The following FANCD2OS variants were observed in gnomAD, a reference collection of about 807,000 sequenced individuals.
FANCD2OS encodes FANCD2 opposite strand protein.
A neutral mutation model predicts 13.2 loss-of-function variants in FANCD2OS; 11 were observed. The observed-to-expected ratio is 0.83, with a 90% CI of 0.52 to 1.38. The LOEUF (loss-of-function observed/expected upper bound fraction) is 1.38, where lower values mean the gene tolerates loss of function less well. Among genes scored for constraint, FANCD2OS ranks in the 40% most tolerant of loss-of-function variants. The pLI is 0.00. For synonymous variants in FANCD2OS, 69 were observed against 84.5 expected, an observed-to-expected ratio of 0.82 and a Z score of 1.01; for missense variants, 217 against 213.9, an observed-to-expected ratio of 1.01 and a Z score of -0.09.
downstream of FANCD2OS, among the ~76,000 whole-genome samples, chr3:10,102,143 C>CTTTTT (rs747148572): frequency 7.5e-6 from 1 of 133,210 alleles, no homozygotes. Context: ...ATCTTCTTTC[C>CTTTTT]TTTTTTTTTT....
At chr3:10,082,935 A>T (rs966678621) in intron 2 of FANCD2OS, among the ~76,000 whole-genome samples, 4 of 152,186 alleles carry the variant, frequency 2.6e-5, no homozygotes, top group African/African-American at 9.7e-5. Flanking sequence ...GCAAATAAAC[A>T]TGTGAAAGGG....
chr3:10,104,575 C>T lies in FANCD2OS; in HGVS notation c.200G>A (p.Gly67Glu). 1.2e-6 allele frequency: 2 copies of T among 1,614,184 alleles called. No homozygotes were observed. Among genetic ancestry groups the T allele is most frequent in the Non-Finnish European group, 1.7e-6 (2 of 1,180,032 alleles). The change falls in exon 2 of 2, where the codon GGA (glycine) becomes GAA (glutamate). Residue 67 changes from glycine (G) to glutamate (E), a missense_variant. Transcript: ENST00000450660. ...GTGGCAGGGTAACTTGGGACTCACT[C>T]CAGATTCCAGGAATGGGCTGTCTAG... ...LVLDSPFLES[G>E]VSPKLPCHTS...
rs544699784 is a variant in FANCD2OS, at chr3:10,094,707, A to T, written c.*43+9491T>A. Among the ~76,000 whole-genome samples, 192 of 146,640 alleles carry T rather than the reference A, an allele frequency of 1.3e-3. 3 individuals are homozygous for T. In the East Asian group the frequency reaches 0.025, roughly 19 times the overall value. ...TAGGTATACTCTCAGAAATGATTTT[A>T]AAAAAAAAAAAGCTCATTTGTGTCA... On this transcript the variant is annotated intron_variant, in intron 2 of 2. Transcript: ENST00000524279.
At chr3:10,088,478 G>GACA in intron 2 of FANCD2OS, 1 of 1,611,850 alleles carries the variant, frequency 6.2e-7, no homozygotes, top group Non-Finnish European at 8.5e-7. Flanking sequence ...CCTCTGTCGG[G>GACA]TGTGGCCAAG....
exon 3 of FANCD2OS, chr3:10,081,380 G>A (rs1559399691): frequency 6.2e-7 from 1 of 1,614,086 alleles, no homozygotes; most frequent in South Asian, 1.1e-5. Flanking sequence ...GTAGTTGATG[G>A]ACCAGGAGTG....
At position 10,104,742 on chromosome 3, in the gene FANCD2OS, G is replaced by T; in HGVS notation, c.33C>A (p.Thr11=). 6.2e-7 allele frequency: 1 copy of T among 1,601,964 alleles called. No individual in the cohort carries two copies. ...GCCATTGGAAACTCTCATCCAGTGG[G>T]GTCCATGGTGACCAGAGCTGGTATC... MAGYQLWSPW[T]PLDESFQWLR... is the part of the protein sequence containing the mutation. Residue 11 remains threonine (T), a synonymous_variant, in exon 2 of 2, where the codon ACC becomes ACA. Coordinates refer to ENST00000450660, the MANE Select transcript of FANCD2OS (RefSeq NM_001164839.2).
chr3:10,096,416 C>G, intron 2 of FANCD2OS: 3 of 1,614,156 alleles, frequency 1.9e-6, no homozygotes, highest in Non-Finnish European at 2.5e-6. Context: ...TATGCTCACT[C>G]TCAACAATTG....
At chr3:10,107,357 C>G (rs976964972) in intron 1 of FANCD2OS, among the ~76,000 whole-genome samples, 3 of 151,892 alleles carry the variant, frequency 2.0e-5, no homozygotes, top group Non-Finnish European at 4.4e-5. Flanking sequence ...GCGCGATCTC[C>G]GCTCACTGCA....
chr3:10,086,495 C>CT (rs927484117), intron 2 of FANCD2OS, among the ~76,000 whole-genome samples: 19 of 149,832 alleles, frequency 1.3e-4, no homozygotes, highest in South Asian at 2.1e-4. Context: ...CTTATATCTT[C>CT]TTTTTTTTTT....
intron 2 of FANCD2OS, among the ~76,000 whole-genome samples, chr3:10,097,329 C>G (rs376820936): frequency 1.1e-4 from 16 of 152,130 alleles, no homozygotes; most frequent in Admixed American, 8.5e-4. Flanking sequence ...CCTAATAAGC[C>G]TGGGAGCGCT....
rs561373993 is a variant in FANCD2OS at position 10,090,101 on chromosome 3, C to G, written c.*44-8570G>C. Among the ~76,000 whole-genome samples the G allele has an allele frequency of 5.9e-5, 9 of 152,200 alleles. No individual in the cohort carries two copies. In the South Asian group the frequency reaches 1.9e-3, roughly 32 times the overall value. ...ACACCTCCTTTCATAAAGTTAATTC[C>G]ATTGTTTGACAGGCAATCTTCTTGG... On this transcript the variant is annotated intron_variant, in intron 2 of 2. Coordinates refer to the FANCD2OS transcript ENST00000524279.
At chr3:10,098,748 A>T (rs746871581), downstream of FANCD2OS, 51 of 1,614,086 alleles carry the variant, frequency 3.2e-5, 1 homozygote, top group Non-Finnish European at 4.0e-5. Context: ...CAAAATTCCC[A>T]GGAGAGCACA....
At chr3:10,093,791 G>A (rs547890112) in intron 2 of FANCD2OS, among the ~76,000 whole-genome samples, 8 of 152,110 alleles carry the variant, frequency 5.3e-5, no homozygotes, top group South Asian at 2.1e-4. Flanking sequence ...ATGCTACTTC[G>A]CCACTCCTCA....
chr3:10,085,914 A>T (rs1243384526), intron 2 of FANCD2OS: 2 of 1,607,422 alleles, frequency 1.2e-6, no homozygotes, highest in Non-Finnish European at 1.7e-6. Context: ...CTTTGGAGGA[A>T]CTACTCAGGT....
chr3:10,105,773 TATATATATATA>T (rs1695473098), intron 1 of FANCD2OS, among the ~76,000 whole-genome samples: 1 of 1,410 alleles, frequency 7.1e-4, no homozygotes, highest in Non-Finnish European at 1.5e-3. Flanking sequence ...AAAAAAAAAT[TATATATATATA>T]TATATATATA....
chr3:10,094,386 A>G (rs1282218751), intron 2 of FANCD2OS: 8 of 1,592,748 alleles, frequency 5.0e-6, no homozygotes, highest in Admixed American at 3.3e-5. Context: ...AGCAGAGAAC[A>G]AAGATATGCA....
At chr3:10,093,644 T>C (rs1694784475) in intron 2 of FANCD2OS, among the ~76,000 whole-genome samples, 1 of 152,168 alleles carries the variant, frequency 6.6e-6, no homozygotes, top group Non-Finnish European at 1.5e-5. Context: ...GAGTAGATGA[T>C]TTTTCTTTAA....
At chr3:10,097,567 TC>T (rs1309454304) in intron 2 of FANCD2OS, among the ~76,000 whole-genome samples, 1 of 152,252 alleles carries the variant, frequency 6.6e-6, no homozygotes, top group Non-Finnish European at 1.5e-5. Flanking sequence ...AGGTTATCTC[TC>T]CTATACCCTG....
chr3:10,095,926 G>A (rs1271415931), intron 2 of FANCD2OS, among the ~76,000 whole-genome samples: 1 of 142,888 alleles, frequency 7.0e-6, no homozygotes, highest in Non-Finnish European at 1.5e-5. Flanking sequence ...TTGTAGCCCA[G>A]GCCGGAGTGC....
Sources: gnomAD v4.1 joint callset for allele counts (sites outside exome capture counted in the v4.1 genomes callset) on GRCh38, gnomAD v4.1.1 for gene constraint, MANE v1.5 for transcripts, NCBI Gene and HGNC (gene_info 2026-07-23, HGNC 2026-07-21) for gene names.